Variants in PRKAB1 observed in about 807,000 individuals in gnomAD.
The protein encoded by PRKAB1 is protein kinase AMP-activated non-catalytic subunit beta 1, also known as 5'-AMP-activated protein kinase subunit beta-1.
In PRKAB1, 18 loss-of-function variants were observed where a neutral mutation model predicts 32.0. The observed-to-expected ratio is 0.56, with a 90% CI of 0.39 to 0.83. The LOEUF is 0.83. Among genes scored for constraint, PRKAB1 ranks in the 40% least tolerant of loss-of-function variants. PRKAB1 has a pLI of 0.00. For synonymous variants in PRKAB1, 141 were observed against 141.4 expected (o/e 1.00, Z 0.02); for missense variants, 263 against 352.6 (o/e 0.75, Z 2.03).
At chr12:119,673,489 A>G (rs1220092061) in intron 2 of PRKAB1, among the ~76,000 whole-genome samples, 2 of 152,094 alleles carry the variant, frequency 1.3e-5, no homozygotes, top group Non-Finnish European at 1.5e-5. Context: ...GGACAAAACA[A>G]CCCAGTGAAG....
Position 119,679,230 on chromosome 12 carries a change from G to A in PRKAB1, c.667-703G>A, listed in dbSNP as rs564946262. On this transcript the variant is annotated intron_variant, in intron 5 of 6. Coordinates refer to ENST00000229328, the MANE Select transcript of PRKAB1 (RefSeq NM_006253.5). This position sits in a 1 kb window ranked among gnomAD's most constrained non-coding sequence, Gnocchi z 4.1. ...CTTGGCTGGTGCCAGATCCTTGGTA[G>A]TTGGTGCTCTCAGCAGCCACCCTGA... 2 of 152,438 alleles carry A rather than the reference G, an allele frequency of 1.3e-5. No homozygotes were observed. The highest frequency in any genetic ancestry group is 4.8e-5 in the African/African-American group (2 of 41,602). The allele number at this position is 152,438 out of a possible 1,614,324, so 9.4% of individuals were successfully genotyped here. A position where few individuals can be genotyped will look rare whatever the true frequency, so the allele number is the denominator to read the frequency against.
chr12:119,676,966 C>T (rs773521051), intron 5 of PRKAB1, among the ~76,000 whole-genome samples: 8 of 152,240 alleles, frequency 5.3e-5, no homozygotes, highest in Non-Finnish European at 8.8e-5. Flanking sequence ...ACCATCTCTT[C>T]TTAGTAAGCT....
chr12:119,676,035 T>TCC (rs935953746), intron 4 of PRKAB1, among the ~76,000 whole-genome samples: 9 of 152,190 alleles, frequency 5.9e-5, no homozygotes, highest in Admixed American at 5.2e-4. Context: ...CTTTCAATTT[T>TCC]CCCCCCCATT....
chr12:119,669,147 A>T (rs903091735), intron 1 of PRKAB1, among the ~76,000 whole-genome samples: 6 of 151,402 alleles, frequency 4.0e-5, no homozygotes, highest in African/African-American at 1.5e-4. Flanking sequence ...AATAAAAAAG[A>T]CGGTGGTCTC....
At position 119,679,703 on chromosome 12, in the gene PRKAB1, G is replaced by A; in HGVS notation, c.667-230G>A. The A allele has an allele frequency of 1.9e-6, 1 of 537,858 alleles. No individual in the cohort carries two copies. The highest frequency in any genetic ancestry group is 1.9e-5 in the African/African-American group (1 of 52,444). 33.3% of individuals were successfully genotyped at this position (537,858 alleles called of 1,614,324 possible). On this transcript the variant is annotated intron_variant, in intron 5 of 6. Coordinates refer to ENST00000229328, the MANE Select transcript of PRKAB1 (RefSeq NM_006253.5). This position sits in a 1 kb window ranked among gnomAD's most constrained non-coding sequence, Gnocchi z 4.1. ...AGAGGCCGGGGTAAATGCCTGGCCA[G>A]AGACACACACCGATGCCTCCAGCAG...
At chr12:119,677,022 A>G (rs763506834) in intron 5 of PRKAB1, among the ~76,000 whole-genome samples, 3 of 152,226 alleles carry the variant, frequency 2.0e-5, no homozygotes, top group East Asian at 1.9e-4. Flanking sequence ...TAATCATTCA[A>G]TTGCTTTTAG....
intron 2 of PRKAB1, 33 bp from the exon 3 acceptor site, chr12:119,673,931 C>A: frequency 6.3e-7 from 1 of 1,587,440 alleles, no homozygotes; most frequent in Non-Finnish European, 8.6e-7. Flanking sequence ...CAGCCCACCC[C>A]ACGGAAGTCC....
Position 119,679,619 on chromosome 12 carries a change from AGCT to A in PRKAB1, c.667-310_667-308del. On this transcript the variant is annotated intron_variant, in intron 5 of 6. Coordinates refer to ENST00000229328, the MANE Select transcript of PRKAB1 (RefSeq NM_006253.5). This position sits in a 1 kb window ranked among gnomAD's most constrained non-coding sequence, Gnocchi z 4.1. ...TGTGTTCTCTGAAAGTGCTGTTAATAGCTGCTTTCTTCCTGCCCCACCCTCCAT... is the reference window on the plus strand; with the variant it reads ...TGTGTTCTCTGAAAGTGCTGTTAATAGCTTTCTTCCTGCCCCACCCTCCAT... The A allele has an allele frequency of 2.6e-6, 1 of 383,378 alleles. No homozygotes were observed. Among genetic ancestry groups the A allele is most frequent in the Non-Finnish European group, 5.0e-6 (1 of 200,424 alleles). The allele number at this position is 383,378 out of a possible 1,614,324, so 23.7% of individuals were successfully genotyped here.
At position 119,675,190 on chromosome 12, in the gene PRKAB1, G is replaced by A. The variant is rs278146; in HGVS notation, c.532+736G>A. 5.8e-3 allele frequency among the ~76,000 whole-genome samples: 880 copies of A among 152,346 alleles called. 11 individuals carry two copies. Among genetic ancestry groups the A allele is most frequent in the African/African-American group, 0.02 (837 of 41,590 alleles). On this transcript the variant is annotated intron_variant, in intron 4 of 6. Coordinates refer to ENST00000229328, the MANE Select transcript of PRKAB1 (RefSeq NM_006253.5). ...TTAACAATTCCTGGACTCTGAGGGA[G>A]GCAGTGGAAAGATGCCCTGGCAGAA...
intron 6 of PRKAB1, 80 bp downstream of exon 6, chr12:119,680,081 G>A (rs61633983): frequency 0.016 from 24,985 of 1,536,124 alleles, 288 homozygotes; most frequent in African/African-American, 0.04. Context: ...ATGACCTGGC[G>A]GGACTGACTT....
In PRKAB1 at chr12:119,674,377, T is replaced by A; in HGVS notation, c.455T>A (p.Ile152Asn). 1 of 1,614,190 alleles carries A rather than the reference T, an allele frequency of 6.2e-7. No individual in the cohort carries two copies. Among genetic ancestry groups the A allele is most frequent in the Non-Finnish European group, 8.5e-7 (1 of 1,180,008 alleles). ...AGCCAGCTTGGCACAGTTAACAACA[T>A]CATTCAAGTGAAGAAAACTGACTTT... The part of the protein sequence containing the change: ...VTSQLGTVNN[I>N]IQVKKTDFEV... Residue 152 changes from isoleucine to asparagine, a missense_variant, in exon 4 of 7, where the codon ATC becomes AAC. By Grantham distance (149) the Ile-to-Asn change is moderately radical. Coordinates refer to ENST00000229328, the MANE Select transcript of PRKAB1 (RefSeq NM_006253.5). This position sits in a 1 kb window ranked among gnomAD's most constrained non-coding sequence, Gnocchi z 4.3.
rs1382664565 is a variant in PRKAB1, at chr12:119,674,314, AT to A, written c.418-23del. 6.5e-7 allele frequency: 1 copy of A among 1,546,908 alleles called. No homozygotes were observed. Among genetic ancestry groups the A allele is most frequent in the Non-Finnish European group, 8.9e-7 (1 of 1,120,152 alleles). ...AACTCCGCAGACCTTCCACGTTATG[AT>A]TTCTGCCTATCTGTCTCTTCCCAGC... On this transcript the variant is annotated intron_variant, in intron 3 of 6. Transcript: ENST00000229328. This position sits in a 1 kb window ranked among gnomAD's most constrained non-coding sequence, Gnocchi z 4.3.
Position 119,668,291 on chromosome 12 carries a change from G to T in PRKAB1, c.47G>T (p.Gly16Val). ...CGCGCCGCGCTGGAGCGGCATGGTG[G>T]CCATAAGACGCCCCGGAGGGACAGC... ...SERAALERHG[G>V]HKTPRRDSSG... is the part of the protein sequence containing the mutation. Residue 16 changes from glycine to valine, a missense_variant, in exon 1 of 7, where the codon GGC (glycine) becomes GTC (valine). Coordinates refer to ENST00000229328, the MANE Select transcript of PRKAB1 (RefSeq NM_006253.5). 1 of 1,611,432 alleles carries T rather than the reference G, an allele frequency of 6.2e-7. No individual in the cohort carries two copies. Among genetic ancestry groups the T allele is most frequent in the East Asian group, 2.2e-5 (1 of 44,692 alleles).
chr12:119,674,170 T>A lies in PRKAB1; in HGVS notation c.417+113T>A. Reference sequence around the variant, plus strand: ...CCCAGCTAGTAAAAGTCCCCGTGTGTGGCAGAGCTGAGTAGCAGCACTACC... The same window carrying A: ...CCCAGCTAGTAAAAGTCCCCGTGTGAGGCAGAGCTGAGTAGCAGCACTACC... On this transcript the variant is annotated intron_variant, in intron 3 of 6. Transcript: ENST00000229328. The surrounding 1 kb of genome is among the most constrained non-coding windows in gnomAD (Gnocchi z 4.3). 2 of 1,102,380 alleles carry A rather than the reference T, an allele frequency of 1.8e-6. No individual in the cohort carries two copies. Among genetic ancestry groups the A allele is most frequent in the Non-Finnish European group, 2.7e-6 (2 of 746,238 alleles). The allele number at this position is 1,102,380 out of a possible 1,614,324, so 68.3% of individuals were successfully genotyped here.
In PRKAB1 at chr12:119,669,024, G is replaced by A. The variant is rs1433024427; in HGVS notation, c.159+621G>A. Among the ~76,000 whole-genome samples the A allele has an allele frequency of 4.6e-5, 7 of 151,802 alleles. No individual in the cohort carries two copies. The East Asian group carries it at 1.4e-3, about 30-fold the overall frequency. On this transcript the variant is annotated intron_variant, in intron 1 of 6. Transcript: ENST00000229328. ...CCCAGCTACTCGGGAGGCTGAGGCA[G>A]GAGAATGGCGTGAACCCGGGAGGCG...
In PRKAB1 at chr12:119,679,700, C is replaced by T. The variant is rs1400386635; in HGVS notation, c.667-233C>T. On this transcript the variant is annotated intron_variant, in intron 5 of 6. Coordinates refer to ENST00000229328, the MANE Select transcript of PRKAB1 (RefSeq NM_006253.5). This position sits in a 1 kb window ranked among gnomAD's most constrained non-coding sequence, Gnocchi z 4.1. ...GAAAGAGGCCGGGGTAAATGCCTGG[C>T]CAGAGACACACACCGATGCCTCCAG... 5.6e-6 allele frequency: 3 copies of T among 532,152 alleles called. No homozygotes were observed. The highest frequency in any genetic ancestry group is 1.0e-5 in the Non-Finnish European group (3 of 292,804). 33.0% of individuals were successfully genotyped at this position (532,152 alleles called of 1,614,324 possible). A position where few individuals can be genotyped will look rare whatever the true frequency, so the allele number is the denominator to read the frequency against.
At position 119,681,439 on chromosome 12, in the gene PRKAB1, GAGTC is replaced by G. The variant is rs1221947386; in HGVS notation, c.*1117_*1120del. ...TGTACCCACTAGCCCAGGTTGCTGT[GAGTC>G]AGCGGAAGCTCCCGTTATGCCCTTT... On this transcript the variant is annotated 3_prime_UTR_variant, in exon 7 of 7. Transcript: ENST00000229328. 3.3e-5 allele frequency: 5 copies of G among 152,384 alleles called. No homozygotes were observed. The highest frequency in any genetic ancestry group is 5.9e-5 in the Non-Finnish European group (4 of 68,048). The allele number at this position is 152,384 out of a possible 1,614,324, so 9.4% of individuals were successfully genotyped here. A position where few individuals can be genotyped will look rare whatever the true frequency, so the allele number is the denominator to read the frequency against.
Position 119,674,949 on chromosome 12 carries a change from C to G in PRKAB1, c.532+495C>G, listed in dbSNP as rs965886255. On this transcript the variant is annotated intron_variant, in intron 4 of 6. Coordinates refer to ENST00000229328, the MANE Select transcript of PRKAB1 (RefSeq NM_006253.5). This position sits in a 1 kb window ranked among gnomAD's most constrained non-coding sequence, Gnocchi z 4.3. ...GATGCGGCTCCCCACGGGAAACAGC[C>G]TGCACAGCCCAACTCTCCTTGATGG... 1.6e-4 allele frequency among the ~76,000 whole-genome samples: 24 copies of G among 152,228 alleles called. No homozygotes were observed. The highest frequency in any genetic ancestry group is 5.1e-4 in the African/African-American group (21 of 41,456).
chr12:119,673,398 G>A (rs1185063859), intron 2 of PRKAB1, among the ~76,000 whole-genome samples: 2 of 152,208 alleles, frequency 1.3e-5, no homozygotes, highest in African/African-American at 4.8e-5. Flanking sequence ...CCTATTGTCA[G>A]GGGCTGCCTG....
Sources: gnomAD v4.1 joint callset for allele counts (sites outside exome capture counted in the v4.1 genomes callset) on GRCh38, gnomAD v4.1.1 for gene constraint, Gnocchi (gnomAD v3.1) non-coding constraint, MANE v1.5 for transcripts, NCBI Gene and HGNC (gene_info 2026-07-23, HGNC 2026-07-21) for gene names.